ZC3H3: variants seen among roughly 807,000 people sequenced by gnomAD.
The protein encoded by ZC3H3 is zinc finger CCCH-type containing 3.
A neutral mutation model predicts 77.3 loss-of-function variants in ZC3H3; 36 were observed. That is an observed-to-expected ratio of 0.47 (90% CI 0.36 to 0.61). The LOEUF is 0.61. ZC3H3 is among the 20% of genes least tolerant of loss of function. The probability of loss-of-function intolerance (pLI) is 0.00; values close to 1 mark genes in which losing one functional copy is unlikely to be tolerated. For synonymous variants in ZC3H3, 626 were observed against 555.2 expected (o/e 1.13, Z -1.79); for missense variants, 1,331 against 1,312.2 (o/e 1.01, Z -0.22).
chr8:143,473,508 G>A (rs772656392), intron 5 of ZC3H3, among the ~76,000 whole-genome samples: 2 of 152,226 alleles, frequency 1.3e-5, no homozygotes, highest in African/African-American at 2.4e-5. Flanking sequence ...AGGCAGGCAG[G>A]TGAGGGCTCG....
chr8:143,440,409 G>A, intron 10 of ZC3H3, 46 bp from the exon 11 acceptor site: 1 of 1,492,692 alleles, frequency 6.7e-7, no homozygotes, highest in Non-Finnish European at 8.9e-7. Flanking sequence ...GTGACGGGTG[G>A]GGATCCCAGC....
intron 3 of ZC3H3, among the ~76,000 whole-genome samples, chr8:143,508,235 G>A (rs1246270187): frequency 1.3e-5 from 2 of 152,212 alleles, no homozygotes. Context: ...GAGTCCCCTA[G>A]ACAGTATCCG....
intron 3 of ZC3H3, among the ~76,000 whole-genome samples, chr8:143,526,224 A>G (rs1032776215): frequency 6.6e-6 from 1 of 152,180 alleles, no homozygotes; most frequent in Non-Finnish European, 1.5e-5. Flanking sequence ...ACCTCCCACC[A>G]AGAGTCACAC....
intron 2 of ZC3H3, among the ~76,000 whole-genome samples, chr8:143,537,423 C>CA (rs1822837742): frequency 6.6e-6 from 1 of 152,246 alleles, no homozygotes; most frequent in Non-Finnish European, 1.5e-5. Flanking sequence ...CCTGCCCACT[C>CA]AGACCAGCTG....
Position 143,494,689 on chromosome 8 carries a change from G to A in ZC3H3, c.1715+13057C>T, listed in dbSNP as rs1821298967. On this transcript the variant is annotated intron_variant, in intron 4 of 11. Coordinates refer to ENST00000262577, the MANE Select transcript of ZC3H3 (RefSeq NM_015117.3). This position sits in a 1 kb window ranked among gnomAD's most constrained non-coding sequence, Gnocchi z 5.3. The stretch of plus-strand genomic sequence containing the variant: ...GGAGCACAGGAACACAGCCCCCAGA[G>A]GGCCAGGAGCCCCCACACTCACCCT... 1.3e-5 allele frequency among the ~76,000 whole-genome samples: 2 copies of A among 152,206 alleles called. No individual in the cohort carries two copies. The highest frequency in any genetic ancestry group is 4.8e-5 in the African/African-American group (2 of 41,454).
intron 3 of ZC3H3, among the ~76,000 whole-genome samples, chr8:143,524,650 G>A (rs1295235217): frequency 6.6e-6 from 1 of 152,260 alleles, no homozygotes; most frequent in Non-Finnish European, 1.5e-5. Flanking sequence ...GTGAGCTTCA[G>A]GCACACACCT....
At chr8:143,523,825 C>T (rs560365970) in intron 3 of ZC3H3, among the ~76,000 whole-genome samples, 6 of 152,344 alleles carry the variant, frequency 3.9e-5, no homozygotes, top group African/African-American at 1.2e-4. Context: ...CGCAGCACAA[C>T]GCTCCAGGGC....
intron 4 of ZC3H3, among the ~76,000 whole-genome samples, chr8:143,505,417 A>G (rs947574170): frequency 6.6e-6 from 1 of 152,206 alleles, no homozygotes; most frequent in Non-Finnish European, 1.5e-5. Context: ...CCCCGAGCCC[A>G]GGCACGCAAA....
chr8:143,465,993 G>T, intron 8 of ZC3H3, 145 bp from the exon 9 acceptor site: 1 of 1,198,264 alleles, frequency 8.3e-7, no homozygotes, highest in Non-Finnish European at 1.1e-6. Flanking sequence ...ACCACGACCT[G>T]CGGGGCAGGG....
At chr8:143,508,579 G>A (rs1482278162) in intron 3 of ZC3H3, among the ~76,000 whole-genome samples, 1 of 152,188 alleles carries the variant, frequency 6.6e-6, no homozygotes, top group Non-Finnish European at 1.5e-5. Context: ...CAGCTTCGAG[G>A]GTTGCGTCTA....
chr8:143,499,886 G>A (rs1821473069), intron 4 of ZC3H3, among the ~76,000 whole-genome samples: 1 of 152,174 alleles, frequency 6.6e-6, no homozygotes. Context: ...AGCCACACCG[G>A]CCCTCACAGC....
chr8:143,502,247 C>G (rs983117618), intron 4 of ZC3H3, among the ~76,000 whole-genome samples: 1 of 152,272 alleles, frequency 6.6e-6, no homozygotes, highest in African/African-American at 2.4e-5. Flanking sequence ...ACGGCCCCAG[C>G]CGACGAAGAC....
intron 8 of ZC3H3, among the ~76,000 whole-genome samples, chr8:143,466,605 G>T (rs1820415440): frequency 6.6e-6 from 1 of 152,128 alleles, no homozygotes; most frequent in South Asian, 2.1e-4. Context: ...GGGGTCTCTT[G>T]CCATCTCCAG....
chr8:143,481,481 G>A (rs990758763), intron 4 of ZC3H3, among the ~76,000 whole-genome samples: 4 of 152,194 alleles, frequency 2.6e-5, no homozygotes, highest in African/African-American at 4.8e-5. Flanking sequence ...GACCAGGGGC[G>A]GGAGAGGCGA....
At position 143,533,322 on chromosome 8, in the gene ZC3H3, C is replaced by T. The variant is rs998741592; in HGVS notation, c.1561+2935G>A. ...CTCGGCCTCAGAGCTGAGCCCTATTCGCTCCTCTCTGCTCAGGTCACCTCC... is the reference window on the plus strand; with the variant it reads ...CTCGGCCTCAGAGCTGAGCCCTATTTGCTCCTCTCTGCTCAGGTCACCTCC... On this transcript the variant is annotated intron_variant, in intron 3 of 11. Coordinates refer to ENST00000262577, the MANE Select transcript of ZC3H3 (RefSeq NM_015117.3). The surrounding 1 kb of genome is among the most constrained non-coding windows in gnomAD (Gnocchi z 4.0). Among the ~76,000 whole-genome samples the T allele has an allele frequency of 1.3e-5, 2 of 152,182 alleles. No individual in the cohort carries two copies. Among genetic ancestry groups the T allele is most frequent in the African/African-American group, 2.4e-5 (1 of 41,436 alleles).
chr8:143,490,872 A>C (rs1821181752), intron 4 of ZC3H3, among the ~76,000 whole-genome samples: 1 of 152,160 alleles, frequency 6.6e-6, no homozygotes, highest in South Asian at 2.1e-4. Context: ...CTGAGATTGC[A>C]CTCCAGCCTA....
chr8:143,508,120 G>A (rs866528904), intron 3 of ZC3H3, among the ~76,000 whole-genome samples: 7 of 152,358 alleles, frequency 4.6e-5, no homozygotes, highest in Admixed American at 1.3e-4. Flanking sequence ...TCTGAGAGGC[G>A]GGCACCAGCC....
chr8:143,443,353 G>C (rs1400922568), intron 9 of ZC3H3, among the ~76,000 whole-genome samples: 2 of 151,088 alleles, frequency 1.3e-5, no homozygotes, highest in Non-Finnish European at 2.9e-5. Context: ...GTAAAATGAT[G>C]GAAGAAAATA....
intron 9 of ZC3H3, among the ~76,000 whole-genome samples, chr8:143,453,440 A>C (rs926621227): frequency 6.6e-6 from 1 of 152,210 alleles, no homozygotes; most frequent in Non-Finnish European, 1.5e-5. Flanking sequence ...TGGATTTCTA[A>C]CTAGACACCA....
Sources: allele counts gnomAD v4.1 joint callset (sites outside exome capture counted in the v4.1 genomes callset), GRCh38; gene constraint gnomAD v4.1.1; non-coding constraint Gnocchi (gnomAD v3.1); transcripts MANE v1.5; gene names NCBI Gene and HGNC (gene_info 2026-07-23, HGNC 2026-07-21).